CLMN: variants seen among roughly 807,000 people sequenced by gnomAD.
CLMN encodes the protein calmin, also known as calmin (calponin-like, transmembrane).
CLMN carries 57 observed loss-of-function variants against 92.7 expected under a neutral mutation model. That is an observed-to-expected ratio of 0.61 (90% CI 0.50 to 0.77). The LOEUF is 0.77. CLMN is among the 30% of genes least tolerant of loss of function. The pLI, the probability that CLMN is intolerant of heterozygous loss-of-function variation, is 0.00. For missense variants in CLMN, 1,158 were observed against 1,237.5 expected (o/e 0.94, Z 0.96); for synonymous variants, 466 against 470.6 (o/e 0.99, Z 0.13).
At position 95,204,278 on chromosome 14, in the gene CLMN, C is replaced by T. The variant is rs1194765663; in HGVS notation, c.1071G>A (p.Glu357=). ...CATCCAGGCGGAATTCCTTCATGCT[C>T]TCGGGCTTGTCACAGACAAAGACTT... The part of the protein sequence containing the change: ...PSKVFVCDKP[E]SMKEFRLDGV... Residue 357 remains glutamate (E), a synonymous_variant, in exon 9 of 13, where the codon GAG becomes GAA. Coordinates refer to ENST00000298912, the MANE Select transcript of CLMN (RefSeq NM_024734.4). 2.5e-6 allele frequency: 4 copies of T among 1,614,080 alleles called. No individual in the cohort carries two copies. The highest frequency in any genetic ancestry group is 3.4e-6 in the Non-Finnish European group (4 of 1,180,016).
chr14:95,250,555 C>T (rs752050836), intron 1 of CLMN, among the ~76,000 whole-genome samples: 17 of 152,358 alleles, frequency 1.1e-4, no homozygotes, highest in Admixed American at 5.9e-4. Flanking sequence ...GGGATGTGTT[C>T]TTCCCTCTGT....
At chr14:95,209,973 A>C (rs1473309671) in intron 7 of CLMN, among the ~76,000 whole-genome samples, 4 of 152,192 alleles carry the variant, frequency 2.6e-5, no homozygotes, top group Non-Finnish European at 5.9e-5. Context: ...ATTTACTAAG[A>C]TGTTCACTGC....
chr14:95,201,793 T>C (rs1027236659), intron 9 of CLMN, among the ~76,000 whole-genome samples: 1 of 149,332 alleles, frequency 6.7e-6, no homozygotes, highest in Non-Finnish European at 1.5e-5. Context: ...TGTGTTCTCA[T>C]TGTTCAACTC....
chr14:95,228,574 A>C (rs1897785141), intron 2 of CLMN, among the ~76,000 whole-genome samples: 1 of 152,200 alleles, frequency 6.6e-6, no homozygotes, highest in South Asian at 2.1e-4. Flanking sequence ...CACTTCCTAA[A>C]AGCCACATTT....
At chr14:95,209,366 G>T in intron 8 of CLMN, 29 bp downstream of exon 8, 1 of 1,601,272 alleles carries the variant, frequency 6.2e-7, no homozygotes, top group South Asian at 1.1e-5. Flanking sequence ...GTATGGTGTC[G>T]GAATTAAAGG....
Position 95,194,173 on chromosome 14 carries a change from C to T in CLMN, c.2770-254G>A. 2.1e-6 allele frequency: 3 copies of T among 1,404,666 alleles called. No homozygotes were observed. Among genetic ancestry groups the T allele is most frequent in the Non-Finnish European group, 2.8e-6 (3 of 1,084,902 alleles). 87.0% of individuals were successfully genotyped at this position (1,404,666 alleles called of 1,614,324 possible). A position where few individuals can be genotyped will look rare whatever the true frequency, so the allele number is the denominator to read the frequency against. ...GGATTGGGGTGTGCTGCTCCGGGTT[C>T]TAACACATCTGCTACTGAGCACGTG... On this transcript the variant is annotated intron_variant, in intron 11 of 12. Transcript: ENST00000298912. This position sits in a 1 kb window ranked among gnomAD's most constrained non-coding sequence, Gnocchi z 4.0.
At chr14:95,261,784 T>C (rs1899266910) in intron 1 of CLMN, among the ~76,000 whole-genome samples, 1 of 152,224 alleles carries the variant, frequency 6.6e-6, no homozygotes, top group South Asian at 2.1e-4. Context: ...TGGGCAGTTA[T>C]GCCCCAGATG....
At chr14:95,245,266 T>TAA (rs1276108925) in intron 1 of CLMN, among the ~76,000 whole-genome samples, 1 of 43,580 alleles carries the variant, frequency 2.3e-5, no homozygotes, top group Non-Finnish European at 3.7e-5. Context: ...TATATATATA[T>TAA]ATATTATATA....
At position 95,184,905 on chromosome 14, in the gene CLMN, T is replaced by C. The variant is rs544487288; in HGVS notation, c.*6659A>G. 1 of 152,464 alleles carries C rather than the reference T, an allele frequency of 6.6e-6. No homozygotes were observed. The highest frequency in any genetic ancestry group is 6.5e-5 in the Admixed American group (1 of 15,288). The allele number at this position is 152,464 out of a possible 1,614,324, so 9.4% of individuals were successfully genotyped here. ...AGGAGGATCACTTGAGGCCAGGAGT[T>C]CGAGACCAGCCTGAGCAACAGTGAG... On this transcript the variant is annotated 3_prime_UTR_variant, in exon 13 of 13. Transcript: ENST00000298912.
Position 95,256,678 on chromosome 14 carries a change from T to C in CLMN, c.83-26545A>G, listed in dbSNP as rs1027912706. ...ACTCCTGGCTAGAGTCCTTCATTTGTTCATTTCAAAACGAAACTGAACATG... is the reference window on the plus strand; with the variant it reads ...ACTCCTGGCTAGAGTCCTTCATTTGCTCATTTCAAAACGAAACTGAACATG... On this transcript the variant is annotated intron_variant, in intron 1 of 12. Transcript: ENST00000298912. This position sits in a 1 kb window ranked among gnomAD's most constrained non-coding sequence, Gnocchi z 4.9. Among the ~76,000 whole-genome samples the C allele has an allele frequency of 6.6e-6, 1 of 152,228 alleles. No homozygotes were observed. The highest frequency in any genetic ancestry group is 1.5e-5 in the Non-Finnish European group (1 of 68,050).
Position 95,204,473 on chromosome 14 carries a change from A to T in CLMN, c.886-10T>A, listed in dbSNP as rs1896988600. The T allele has an allele frequency of 6.5e-7, 1 of 1,550,298 alleles. No individual in the cohort carries two copies. The highest frequency in any genetic ancestry group is 2.2e-5 in the Admixed American group (1 of 45,388). ...AATCGAAAATATCTTCCTGCAAAAA[A>T]AAACAAAAACAAACAAACAAAAAAA... is the stretch of plus-strand genomic sequence containing the variant. On this transcript the variant is annotated splice_polypyrimidine_tract_variant and intron_variant, in intron 8 of 12. Transcript: ENST00000298912.
chr14:95,263,144 T>C (rs1426085283), intron 1 of CLMN, among the ~76,000 whole-genome samples: 3 of 152,172 alleles, frequency 2.0e-5, no homozygotes, highest in Admixed American at 2.0e-4. Context: ...TTTAATTGAC[T>C]CACAGTTCAG....
chr14:95,223,910 G>T, intron 2 of CLMN, 55 bp from the exon 3 acceptor site: 1 of 1,269,094 alleles, frequency 7.9e-7, no homozygotes. Context: ...GATCCACAAA[G>T]CTATGTCAGA....
intron 1 of CLMN, among the ~76,000 whole-genome samples, chr14:95,244,926 T>G (rs886830115): frequency 6.6e-6 from 1 of 151,094 alleles, no homozygotes; most frequent in Admixed American, 6.6e-5. Flanking sequence ...TTCACTTTGC[T>G]GTCAGGAAAT....
chr14:95,196,508 T>G lies in CLMN; in HGVS notation c.2698A>C (p.Ile900Leu), dbSNP rs61750771. The G allele has an allele frequency of 1.2e-6, 2 of 1,609,472 alleles. No homozygotes were observed. Among genetic ancestry groups the G allele is most frequent in the Non-Finnish European group, 1.7e-6 (2 of 1,178,764 alleles). ...DLEEDSSDYS[I>L]PSRTSHSDSS... ...AGATGAATAAAATACCTGGAAGGAATGCTGTAGTCGCTACTGTCTTCTTCT... is the reference window on the plus strand; with the variant it reads ...AGATGAATAAAATACCTGGAAGGAAGGCTGTAGTCGCTACTGTCTTCTTCT... Residue 900 changes from isoleucine (I) to leucine (L), a missense_variant, in exon 10 of 13, where the codon ATT becomes CTT. By Grantham distance (5) the Ile-to-Leu change is conservative. Transcript: ENST00000298912.
chr14:95,277,109 T>C (rs1044153326), intron 1 of CLMN, among the ~76,000 whole-genome samples: 11 of 151,370 alleles, frequency 7.3e-5, no homozygotes, highest in Admixed American at 5.9e-4. Flanking sequence ...TGCAAACTGG[T>C]TGAATGAATG....
At position 95,203,078 on chromosome 14, in the gene CLMN, G is replaced by T. The variant is rs149002315; in HGVS notation, c.2271C>A (p.Leu757=). 2 of 1,613,820 alleles carry T rather than the reference G, an allele frequency of 1.2e-6. No homozygotes were observed. The highest frequency in any genetic ancestry group is 8.5e-7 in the Non-Finnish European group (1 of 1,180,014). ...PEDLKNEEMD[L]EEPEGYMPDL... ...CTGGCATATAGCCCTCTGGCTCTTCGAGATCCATTTCTTCATTTTTTAGAT... is the reference window on the plus strand; with the variant it reads ...CTGGCATATAGCCCTCTGGCTCTTCTAGATCCATTTCTTCATTTTTTAGAT... The change falls in exon 9 of 13, where the codon CTC becomes CTA. Residue 757 remains leucine, a synonymous_variant. Transcript: ENST00000298912.
chr14:95,292,006 T>C (rs1335965555), intron 1 of CLMN, among the ~76,000 whole-genome samples: 1 of 152,254 alleles, frequency 6.6e-6, no homozygotes, highest in Non-Finnish European at 1.5e-5. Flanking sequence ...TTCCTGGCAC[T>C]GTGCCAAGGG....
At chr14:95,207,801 G>C (rs1332609549) in intron 8 of CLMN, among the ~76,000 whole-genome samples, 2 of 152,188 alleles carry the variant, frequency 1.3e-5, no homozygotes, top group Admixed American at 6.5e-5. Flanking sequence ...ACACACACAG[G>C]TGGGGGCCAG....
Sources: gnomAD v4.1 joint callset for allele counts (sites outside exome capture counted in the v4.1 genomes callset) on GRCh38, gnomAD v4.1.1 for gene constraint, Gnocchi (gnomAD v3.1) non-coding constraint, MANE v1.5 for transcripts, NCBI Gene and HGNC (gene_info 2026-07-23, HGNC 2026-07-21) for gene names.